The following BICDL1 variants were observed in gnomAD, a reference collection of about 807,000 sequenced individuals.
BICDL1 encodes the protein BICD family like cargo adaptor 1, also known as BICD family-like cargo adapter 1.
BICDL1 carries 20 observed loss-of-function variants against 76.8 expected under a neutral mutation model. That is an observed-to-expected ratio of 0.26 (90% confidence interval 0.18 to 0.38). The LOEUF is 0.38. BICDL1 is among the 10% of genes least tolerant of loss of function. The pLI is 1.00. For synonymous variants in BICDL1, 383 were observed against 337.1 expected, an observed-to-expected ratio of 1.14 and a Z score of -1.49; for missense variants, 700 against 798.6, an observed-to-expected ratio of 0.88 and a Z score of 1.49.
rs993050261 is a variant in BICDL1, at chr12:119,990,207, G to A, written c.339G>A (p.Ala113=). The A allele has an allele frequency of 1.3e-6, 2 of 1,567,036 alleles. No homozygotes were observed. The highest frequency in any genetic ancestry group is 1.9e-5 in the Admixed American group (1 of 53,166). Residue 113 remains alanine (A), a synonymous_variant, in exon 1 of 10, where the codon GCG becomes GCA. Transcript: ENST00000548673. ...IRQKEKDLVL[A]ARLGKALLER... ...AGAAGGAGAAGGATCTGGTGTTGGC[G>A]GCCCGGCTGGGTAAGGCGCTGCTCG...
intron 2 of BICDL1, among the ~76,000 whole-genome samples, chr12:120,035,587 C>T (rs1952515938): frequency 6.6e-6 from 1 of 152,154 alleles, no homozygotes; most frequent in Admixed American, 6.5e-5. Flanking sequence ...CTCTTAAACC[C>T]CTGCTAAACT....
chr12:120,048,471 C>T (rs567783323), intron 2 of BICDL1, among the ~76,000 whole-genome samples: 2 of 152,264 alleles, frequency 1.3e-5, no homozygotes, highest in African/African-American at 4.8e-5. Context: ...GGCTTTCACA[C>T]TTGTTTGAGG....
rs150716156 is a variant in BICDL1, at chr12:120,024,006, A to G, written c.645+25270A>G. Reference sequence around the variant, plus strand: ...ATAAAACACAGACCTAAGGCTGGGCACGGTGGCTCACACTTGTAATCCCAG... The same window carrying G: ...ATAAAACACAGACCTAAGGCTGGGCGCGGTGGCTCACACTTGTAATCCCAG... On this transcript the variant is annotated intron_variant, in intron 2 of 9. Coordinates refer to ENST00000548673, the MANE Select transcript of BICDL1 (RefSeq NM_001367886.1). Among the ~76,000 whole-genome samples, 105 of 152,086 alleles carry G rather than the reference A, an allele frequency of 6.9e-4. 1 individual carries two copies. The highest frequency in any genetic ancestry group is 2.4e-3 in the African/African-American group (101 of 41,494).
At chr12:119,990,377 C>G in intron 1 of BICDL1, 80 bp downstream of exon 1, 3 of 1,515,326 alleles carry the variant, frequency 2.0e-6, no homozygotes, top group Non-Finnish European at 2.6e-6. Flanking sequence ...TAGGGAACCA[C>G]TCACCCCCAC....
At chr12:120,050,433 A>T (rs1176063082) in intron 2 of BICDL1, among the ~76,000 whole-genome samples, 1 of 150,196 alleles carries the variant, frequency 6.7e-6, no homozygotes, top group African/African-American at 2.5e-5. Flanking sequence ...CGCCCAGCTA[A>T]TTTTTTTGTG....
At chr12:120,036,505 C>T (rs1049134492) in intron 2 of BICDL1, among the ~76,000 whole-genome samples, 1 of 152,194 alleles carries the variant, frequency 6.6e-6, no homozygotes, top group African/African-American at 2.4e-5. Flanking sequence ...AATTGTATTT[C>T]TTTCATCTGG....
At chr12:120,026,103 G>A (rs1370442165) in intron 2 of BICDL1, among the ~76,000 whole-genome samples, 2 of 152,266 alleles carry the variant, frequency 1.3e-5, no homozygotes, top group African/African-American at 4.8e-5. Flanking sequence ...CTCCCAAAGT[G>A]CTGGGATTAC....
intron 2 of BICDL1, among the ~76,000 whole-genome samples, chr12:120,011,486 A>G (rs1352485731): frequency 2.6e-5 from 4 of 152,212 alleles, no homozygotes; most frequent in Admixed American, 6.5e-5. Flanking sequence ...TTGTAACAGT[A>G]TCACCTTTTT....
In BICDL1 at chr12:120,094,039, G is replaced by A. The variant is rs1875209974; in HGVS notation, c.*878G>A. 2.6e-6 allele frequency: 1 copy of A among 377,620 alleles called. No individual in the cohort carries two copies. 23.4% of individuals were successfully genotyped at this position (377,620 alleles called of 1,614,324 possible). On this transcript the variant is annotated 3_prime_UTR_variant, in exon 10 of 10. Coordinates refer to ENST00000548673, the MANE Select transcript of BICDL1 (RefSeq NM_001367886.1). ...AAGTCCAGGCCACTGAATGGCACCA[G>A]AGGGGTCTGTGGTCAGCCACCCCAC...
At position 120,079,257 on chromosome 12, in the gene BICDL1, C is replaced by CAG. The variant is rs1229680121; in HGVS notation, c.1453-1627_1453-1626dup. Among the ~76,000 whole-genome samples the CAG allele has an allele frequency of 6.6e-6, 1 of 152,214 alleles. No homozygotes were observed. The highest frequency in any genetic ancestry group is 2.4e-5 in the African/African-American group (1 of 41,454). On this transcript the variant is annotated intron_variant, in intron 7 of 9. Coordinates refer to ENST00000548673, the MANE Select transcript of BICDL1 (RefSeq NM_001367886.1). This position sits in a 1 kb window ranked among gnomAD's most constrained non-coding sequence, Gnocchi z 4.3. ...CTGTTGGGTGTCCTCTGAATTCCTCCAGAGTGGCTGCTACCCCAGGGGCTG... is the reference window on the plus strand; with the variant it reads ...CTGTTGGGTGTCCTCTGAATTCCTCCAGAGAGTGGCTGCTACCCCAGGGGCTG...
chr12:119,997,866 A>G (rs1298832034), intron 1 of BICDL1, among the ~76,000 whole-genome samples: 1 of 152,200 alleles, frequency 6.6e-6, no homozygotes, highest in Non-Finnish European at 1.5e-5. Context: ...CTGTAATCCC[A>G]GCACTTTGGG....
chr12:120,071,930 C>T lies in BICDL1; in HGVS notation c.1089+129C>T. 1 of 1,391,798 alleles carries T rather than the reference C, an allele frequency of 7.2e-7. No homozygotes were observed. The highest frequency in any genetic ancestry group is 1.6e-5 in the South Asian group (1 of 61,574). 86.2% of individuals were successfully genotyped at this position (1,391,798 alleles called of 1,614,324 possible). On this transcript the variant is annotated intron_variant, in intron 5 of 9. Transcript: ENST00000548673. This position sits in a 1 kb window ranked among gnomAD's most constrained non-coding sequence, Gnocchi z 4.8. Reference sequence around the variant, plus strand: ...GTGCCTGTGTCAGCCCCTTGGCCTGCTGGCTAGAGTGTCATGAAGCAGGCC... The same window carrying T: ...GTGCCTGTGTCAGCCCCTTGGCCTGTTGGCTAGAGTGTCATGAAGCAGGCC...
intron 2 of BICDL1, among the ~76,000 whole-genome samples, chr12:120,024,678 A>G (rs12302961): frequency 0.35 from 52,423 of 151,830 alleles, 12,086 homozygotes; most frequent in African/African-American, 0.65. Flanking sequence ...ATTTATTTAA[A>G]TCCTCTTTCT....
chr12:119,990,331 AG>A (rs1165232231), intron 1 of BICDL1, 34 bp downstream of exon 1: 69 of 1,545,464 alleles, frequency 4.5e-5, no homozygotes, highest in Non-Finnish European at 5.7e-5. Context: ...GGTGGGGAGC[AG>A]GGGCCGCCCA....
At chr12:120,031,003 T>C (rs531659671) in intron 2 of BICDL1, among the ~76,000 whole-genome samples, 2 of 152,308 alleles carry the variant, frequency 1.3e-5, no homozygotes, top group Non-Finnish European at 2.9e-5. Flanking sequence ...TTTAACCTGT[T>C]TTGGTTTTCA....
intron 2 of BICDL1, among the ~76,000 whole-genome samples, chr12:120,026,469 G>A (rs1273094444): frequency 1.3e-5 from 2 of 152,150 alleles, no homozygotes; most frequent in Non-Finnish European, 2.9e-5. Flanking sequence ...TTAGAGCAGT[G>A]GATGAGAAGC....
intron 2 of BICDL1, among the ~76,000 whole-genome samples, chr12:120,057,353 A>G (rs1331825735): frequency 6.6e-6 from 1 of 152,084 alleles, no homozygotes; most frequent in Non-Finnish European, 1.5e-5. Context: ...TCTCAGGAGC[A>G]CAGTGTATCC....
chr12:120,017,113 G>A (rs1166733729), intron 2 of BICDL1, among the ~76,000 whole-genome samples: 1 of 152,122 alleles, frequency 6.6e-6, no homozygotes, highest in East Asian at 1.9e-4. Context: ...AGCCAGGATG[G>A]TCTAGATCTC....
intron 3 of BICDL1, among the ~76,000 whole-genome samples, chr12:120,062,181 C>G (rs1306616248): frequency 6.6e-6 from 1 of 152,196 alleles, no homozygotes; most frequent in East Asian, 1.9e-4. Flanking sequence ...CTATCATTCT[C>G]ACCTGCAAAA....
Sources: allele counts gnomAD v4.1 joint callset (sites outside exome capture counted in the v4.1 genomes callset), GRCh38; gene constraint gnomAD v4.1.1; non-coding constraint Gnocchi (gnomAD v3.1); transcripts MANE v1.5; gene names NCBI Gene and HGNC (gene_info 2026-07-23, HGNC 2026-07-21).